Variants in BRINP1 observed in about 807,000 individuals in gnomAD.
BRINP1 encodes the protein BMP/retinoic acid inducible neural specific 1, also known as BMP/retinoic acid-inducible neural-specific protein 1.
In BRINP1, 17 loss-of-function variants were observed where a neutral mutation model predicts 72.9. The observed-to-expected ratio is 0.23, with a 90% confidence interval of 0.16 to 0.35. The LOEUF (loss-of-function observed/expected upper bound fraction) is 0.35, where lower values mean the gene tolerates loss of function less well. Ranked by LOEUF, BRINP1 falls within the 10% of genes least tolerant of loss-of-function variation. The pLI is 1.00. For synonymous variants in BRINP1, 418 were observed against 378.5 expected (o/e 1.10, Z -1.21); for missense variants, 850 against 1,001.6 (o/e 0.85, Z 2.04).
chr9:119,367,221 G>GTGATATAT (rs1564259756), intron 1 of BRINP1, among the ~76,000 whole-genome samples: 21 of 99,888 alleles, frequency 2.1e-4, no homozygotes, highest in South Asian at 4.9e-4. Context: ...GTGTGTGATT[G>GTGATATAT]ATATATATAT....
rs59715609 is a variant in BRINP1, at chr9:119,294,853, T to TAAAAAA, written c.218+18279_218+18284dup. Among the ~76,000 whole-genome samples, 255 of 127,986 alleles carry TAAAAAA rather than the reference T, an allele frequency of 2.0e-3. 17 individuals carry two copies. Among genetic ancestry groups the TAAAAAA allele is most frequent in the East Asian group, 4.3e-3 (19 of 4,386 alleles). 84.0% of individuals were successfully genotyped at this position (127,986 alleles called of 152,430 possible). ...CCTGAGCAACAGAGTGACACTACGT[T>TAAAAAA]AAAAAAAAAAAAAAAAAAGACACAC... On this transcript the variant is annotated intron_variant, in intron 2 of 7. Coordinates refer to ENST00000265922, the MANE Select transcript of BRINP1 (RefSeq NM_014618.3).
chr9:119,191,945 C>A (rs1829688365), intron 7 of BRINP1, among the ~76,000 whole-genome samples: 1 of 151,738 alleles, frequency 6.6e-6, no homozygotes, highest in Non-Finnish European at 1.5e-5. Flanking sequence ...AGAAATAAAT[C>A]CAATCATAAA....
intron 2 of BRINP1, among the ~76,000 whole-genome samples, chr9:119,296,657 AC>A (rs1830881990): frequency 1.3e-5 from 2 of 152,198 alleles, no homozygotes; most frequent in African/African-American, 4.8e-5. Flanking sequence ...ACTCACCCAC[AC>A]ACAAAGTGAA....
At chr9:119,306,770 GC>G (rs1413273349) in intron 2 of BRINP1, among the ~76,000 whole-genome samples, 1 of 152,118 alleles carries the variant, frequency 6.6e-6, no homozygotes, top group Non-Finnish European at 1.5e-5. Flanking sequence ...CTCCCTCTAT[GC>G]TAGAGAAAGC....
chr9:119,280,796 T>C (rs2118961941), intron 2 of BRINP1, among the ~76,000 whole-genome samples: 1 of 152,290 alleles, frequency 6.6e-6, no homozygotes, highest in African/African-American at 2.4e-5. Flanking sequence ...GTCAGTTCAG[T>C]ACAAAGCAAC....
Position 119,343,643 on chromosome 9 carries a change from AG to A in BRINP1, c.-51+25412del, listed in dbSNP as rs536547045. On this transcript the variant is annotated intron_variant, in intron 1 of 7. Transcript: ENST00000265922. ...CATCTCTGTAGGGTGTTTCCTAATCAGGTCAGTAAATCATTCCTCCCTCACT... is the reference window on the plus strand; with the variant it reads ...CATCTCTGTAGGGTGTTTCCTAATCAGTCAGTAAATCATTCCTCCCTCACT... 2.0e-3 allele frequency among the ~76,000 whole-genome samples: 306 copies of A among 152,184 alleles called. 2 individuals carry two copies. Among genetic ancestry groups the A allele is most frequent in the South Asian group, 5.8e-3 (28 of 4,812 alleles).
At chr9:119,239,608 G>A (rs924245771) in intron 4 of BRINP1, among the ~76,000 whole-genome samples, 7 of 152,082 alleles carry the variant, frequency 4.6e-5, no homozygotes, top group Non-Finnish European at 8.8e-5. Context: ...CAATGACTTG[G>A]GAGGCAGCCA....
intron 1 of BRINP1, among the ~76,000 whole-genome samples, chr9:119,339,368 T>TA (rs34258038): frequency 0.26 from 39,794 of 152,176 alleles, 6,279 homozygotes; most frequent in Non-Finnish European, 0.35. Flanking sequence ...CTACAGAACT[T>TA]ACAACTACTT....
In BRINP1 at chr9:119,198,961, C is replaced by T. The variant is rs140737951; in HGVS notation, c.1145+9758G>A. ...GTACTGGGATTACAGGCATGAGCCACCGTGCCCAGCCTTGAATATATTAAC... is the reference window on the plus strand; with the variant it reads ...GTACTGGGATTACAGGCATGAGCCATCGTGCCCAGCCTTGAATATATTAAC... On this transcript the variant is annotated intron_variant, in intron 7 of 7. Coordinates refer to ENST00000265922, the MANE Select transcript of BRINP1 (RefSeq NM_014618.3). Among the ~76,000 whole-genome samples, 1,222 of 152,274 alleles carry T rather than the reference C, an allele frequency of 8.0e-3. 5 individuals carry two copies. The highest frequency in any genetic ancestry group is 0.013 in the Non-Finnish European group (866 of 68,016).
chr9:119,168,766 T>C (rs1829354209), intron 7 of BRINP1, among the ~76,000 whole-genome samples: 2 of 141,608 alleles, frequency 1.4e-5, no homozygotes, highest in South Asian at 2.3e-4. Context: ...TAGTGATTTC[T>C]ATTGATGATC....
intron 1 of BRINP1, among the ~76,000 whole-genome samples, chr9:119,363,940 C>T (rs574460819): frequency 2.2e-4 from 33 of 151,830 alleles, no homozygotes; most frequent in Non-Finnish European, 4.0e-4. Context: ...CTCTCGTCTA[C>T]AGCAATGTTT....
rs1829330360 is a variant in BRINP1, at chr9:119,167,495, T to G, written c.1875A>C (p.Leu625=). The change falls in exon 8 of 8, where the codon CTA becomes CTC. Residue 625 remains leucine, a synonymous_variant. Coordinates refer to ENST00000265922, the MANE Select transcript of BRINP1 (RefSeq NM_014618.3). This position sits in a 1 kb window ranked among gnomAD's most constrained non-coding sequence, Gnocchi z 4.3. ...VHIYLRSRTR[L]PTLLRNETGQ... is the part of the protein sequence containing the mutation. ...CAGTCTCATTTCGCAGTAGGGTAGG[T>G]AGCCGAGTCCGACTACGTAGGTAGA... The G allele has an allele frequency of 1.9e-6, 3 of 1,614,104 alleles. No individual in the cohort carries two copies. The highest frequency in any genetic ancestry group is 2.5e-6 in the Non-Finnish European group (3 of 1,180,012).
At chr9:119,186,906 C>T (rs1829627800) in intron 7 of BRINP1, among the ~76,000 whole-genome samples, 1 of 152,116 alleles carries the variant, frequency 6.6e-6, no homozygotes, top group East Asian at 1.9e-4. Flanking sequence ...CACCACTAAG[C>T]AGTACCCTCT....
chr9:119,260,708 A>AT (rs1680138031), intron 2 of BRINP1, among the ~76,000 whole-genome samples: 1 of 152,244 alleles, frequency 6.6e-6, no homozygotes, highest in South Asian at 2.1e-4. Context: ...GAAGAAGCTG[A>AT]TAAAAACTGC....
At chr9:119,175,068 GTAAC>G (rs1829465954) in intron 7 of BRINP1, among the ~76,000 whole-genome samples, 1 of 140,336 alleles carries the variant, frequency 7.1e-6, no homozygotes, top group Non-Finnish European at 1.5e-5. Flanking sequence ...GTATACATAT[GTAAC>G]TAACCTGCAC....
At chr9:119,358,293 A>C (rs1206978851) in intron 1 of BRINP1, among the ~76,000 whole-genome samples, 4 of 152,098 alleles carry the variant, frequency 2.6e-5, no homozygotes, top group South Asian at 2.1e-4. Flanking sequence ...CTTATACATT[A>C]GAAAACCAAA....
chr9:119,314,554 T>A (rs1342024846), intron 1 of BRINP1, among the ~76,000 whole-genome samples: 5 of 152,012 alleles, frequency 3.3e-5, no homozygotes, highest in Admixed American at 2.6e-4. Context: ...TTCATAGAGA[T>A]TGGATTTCAC....
chr9:119,349,607 T>A (rs1300223951), intron 1 of BRINP1, among the ~76,000 whole-genome samples: 3 of 152,170 alleles, frequency 2.0e-5, no homozygotes, highest in Non-Finnish European at 4.4e-5. Context: ...GGCCTAAATC[T>A]TTTTTTAATT....
chr9:119,234,187 A>G (rs1830172280), intron 5 of BRINP1, among the ~76,000 whole-genome samples: 1 of 152,152 alleles, frequency 6.6e-6, no homozygotes, highest in Non-Finnish European at 1.5e-5. Flanking sequence ...TCTTTTGTAG[A>G]CACTGCCAAG....
Sources: gnomAD v4.1 joint callset for allele counts (sites outside exome capture counted in the v4.1 genomes callset) on GRCh38, gnomAD v4.1.1 for gene constraint, Gnocchi (gnomAD v3.1) non-coding constraint, MANE v1.5 for transcripts, NCBI Gene and HGNC (gene_info 2026-07-23, HGNC 2026-07-21) for gene names.